DNAI4: variants seen among roughly 807,000 people sequenced by gnomAD.
DNAI4 encodes WD repeat domain 78.
A neutral mutation model predicts 105.8 loss-of-function variants in DNAI4; 85 were observed. The ratio of observed to expected loss-of-function variants is 0.80; its 90% CI spans 0.67 to 0.96. The LOEUF is 0.96. Among genes scored for constraint, DNAI4 ranks in the 40% least tolerant of loss-of-function variants. The probability of loss-of-function intolerance (pLI) is 0.00; values close to 1 mark genes in which losing one functional copy is unlikely to be tolerated. For missense variants in DNAI4, 1,014 were observed against 1,005.6 expected (o/e 1.01, Z -0.11); for synonymous variants, 352 against 331.5 (o/e 1.06, Z -0.67).
At chr1:66,828,707 A>C (rs1489843962) in intron 13 of DNAI4, 2 of 151,978 alleles carry the variant, frequency 1.3e-5, no homozygotes, top group Non-Finnish European at 2.9e-5. Flanking sequence ...TGTATGATTT[A>C]CCTTTTTATT....
At chr1:66,900,741 C>T (rs1648747955) in intron 2 of DNAI4, among the ~76,000 whole-genome samples, 1 of 152,130 alleles carries the variant, frequency 6.6e-6, no homozygotes, top group Non-Finnish European at 1.5e-5. Context: ...GCATATTGAT[C>T]ATGTATCCGG....
At chr1:66,904,965 A>C (rs1649127665) in intron 2 of DNAI4, 6 of 401,542 alleles carry the variant, frequency 1.5e-5, no homozygotes, top group Non-Finnish European at 2.6e-5. Flanking sequence ...ATAGTTCTTA[A>C]GGTCATGAAT....
chr1:66,845,185 C>A (rs1572637437), intron 8 of DNAI4, among the ~76,000 whole-genome samples: 2 of 95,904 alleles, frequency 2.1e-5, no homozygotes. Flanking sequence ...AGCGAAACTC[C>A]ATCTCAAAAA....
chr1:66,876,249 A>T (rs1235298749), intron 4 of DNAI4, among the ~76,000 whole-genome samples: 1 of 152,166 alleles, frequency 6.6e-6, no homozygotes, highest in African/African-American at 2.4e-5. Flanking sequence ...TGAAGAAAAT[A>T]AAAAACAGAG....
At chr1:66,834,572 C>T (rs2100422418) in intron 11 of DNAI4, among the ~76,000 whole-genome samples, 1 of 152,066 alleles carries the variant, frequency 6.6e-6, no homozygotes, top group Non-Finnish European at 1.5e-5. Context: ...TAAATCTTAT[C>T]CAGGTAAACA....
intron 1 of DNAI4, among the ~76,000 whole-genome samples, chr1:66,910,889 A>G (rs1649608409): frequency 6.6e-6 from 1 of 152,190 alleles, no homozygotes; most frequent in African/African-American, 2.4e-5. Context: ...CTCTGCTCTC[A>G]AACCACAACA....
chr1:66,835,856 G>T, intron 10 of DNAI4, 79 bp from the exon 11 acceptor site: 1 of 1,354,136 alleles, frequency 7.4e-7, no homozygotes, highest in Non-Finnish European at 1.0e-6. Flanking sequence ...CTGAGATTTA[G>T]TTTGGTGGCA....
chr1:66,921,786 A>G (rs1176217507), intron 1 of DNAI4, among the ~76,000 whole-genome samples: 3 of 152,220 alleles, frequency 2.0e-5, no homozygotes, highest in African/African-American at 7.2e-5. Context: ...ACCTTCTTCA[A>G]TCTAGGCAAT....
At chr1:66,823,373 G>A (rs1645676673) in intron 15 of DNAI4, among the ~76,000 whole-genome samples, 1 of 152,096 alleles carries the variant, frequency 6.6e-6, no homozygotes, top group African/African-American at 2.4e-5. Context: ...AAACATGCGT[G>A]TGCATGTGTC....
At chr1:66,876,671 A>T (rs909882373) in intron 4 of DNAI4, among the ~76,000 whole-genome samples, 3 of 152,166 alleles carry the variant, frequency 2.0e-5, no homozygotes, top group Non-Finnish European at 2.9e-5. Context: ...TTACCTATAG[A>T]ATCTGCCTAT....
intron 16 of DNAI4, among the ~76,000 whole-genome samples, chr1:66,818,721 C>G (rs992905115): frequency 6.6e-5 from 10 of 152,030 alleles, no homozygotes; most frequent in Admixed American, 1.3e-4. Flanking sequence ...GAGTTCGAGA[C>G]CAGCCATGGC....
At chr1:66,863,895 C>G (rs1236821525) in intron 6 of DNAI4, among the ~76,000 whole-genome samples, 1 of 152,182 alleles carries the variant, frequency 6.6e-6, no homozygotes, top group Non-Finnish European at 1.5e-5. Flanking sequence ...TTTCCATGTT[C>G]ATGAAGAGAA....
At chr1:66,821,924 G>A (rs112290537) in intron 16 of DNAI4, among the ~76,000 whole-genome samples, 11 of 152,162 alleles carry the variant, frequency 7.2e-5, no homozygotes, top group African/African-American at 2.6e-4. Context: ...GAAGAACGTG[G>A]AATAAGAGAA....
At chr1:66,856,879 A>G (rs1375451876) in intron 7 of DNAI4, among the ~76,000 whole-genome samples, 1 of 152,072 alleles carries the variant, frequency 6.6e-6, no homozygotes, top group Non-Finnish European at 1.5e-5. Flanking sequence ...ATATTGGAAA[A>G]GAAGAAAGAT....
At chr1:66,869,441 G>T (rs1235095875) in intron 6 of DNAI4, among the ~76,000 whole-genome samples, 4 of 151,852 alleles carry the variant, frequency 2.6e-5, no homozygotes, top group Non-Finnish European at 5.9e-5. Context: ...AAAAAAATAT[G>T]AATAGGTTTC....
At chr1:66,907,664 C>T (rs536591699) in intron 1 of DNAI4, among the ~76,000 whole-genome samples, 56 of 152,260 alleles carry the variant, frequency 3.7e-4, no homozygotes, top group African/African-American at 1.3e-3. Context: ...AAGTCACTGG[C>T]TCTATCTCTA....
At chr1:66,916,139 G>C (rs1030414682) in intron 1 of DNAI4, among the ~76,000 whole-genome samples, 4 of 111,204 alleles carry the variant, frequency 3.6e-5, no homozygotes, top group Middle Eastern at 4.3e-3. Flanking sequence ...AAAATAAAAT[G>C]ACTGGTTGTT....
In DNAI4 at chr1:66,847,654, T is replaced by C; in HGVS notation, c.1121A>G (p.Asp374Gly). The change falls in exon 8 of 17, where the codon GAC (aspartate) becomes GGC (glycine). Residue 374 changes from aspartate (D) to glycine (G), a missense_variant. Coordinates refer to ENST00000371026, the MANE Select transcript of DNAI4 (RefSeq NM_024763.5). ...TTTTGCCAGAATTACATTTTCTATG[T>C]CCATTAGAGAACTAGTTTCACTATC... ...EKNSETSSLM[D>G]IENVILAKIH... is the part of the protein sequence containing the mutation. 6.2e-7 allele frequency: 1 copy of C among 1,609,602 alleles called. No individual in the cohort carries two copies. Among genetic ancestry groups the C allele is most frequent in the Non-Finnish European group, 8.5e-7 (1 of 1,178,546 alleles).
At chr1:66,915,892 T>C (rs1650030801) in intron 1 of DNAI4, among the ~76,000 whole-genome samples, 1 of 152,096 alleles carries the variant, frequency 6.6e-6, no homozygotes, top group East Asian at 1.9e-4. Context: ...GAGGCTGAGG[T>C]GGGCAGGTCA....
Sources: gnomAD v4.1 joint callset for allele counts (sites outside exome capture counted in the v4.1 genomes callset) on GRCh38, gnomAD v4.1.1 for gene constraint, MANE v1.5 for transcripts, NCBI Gene and HGNC (gene_info 2026-07-23, HGNC 2026-07-21) for gene names.